SFI1: variants seen among roughly 807,000 people sequenced by gnomAD.
SFI1 encodes SFI1 centrin binding protein, also known as protein SFI1 homolog.
Under a neutral mutation model 207.5 loss-of-function variants are expected in SFI1, and 195 were observed. The ratio of observed to expected loss-of-function variants is 0.94; its 90% confidence interval spans 0.84 to 1.06. SFI1 has a LOEUF of 1.06. Ranked by LOEUF, SFI1 falls within the 50% of genes least tolerant of loss-of-function variation. SFI1 has a pLI of 0.00. For synonymous variants in SFI1, 630 were observed against 598.9 expected, an observed-to-expected ratio of 1.05 and a Z score of -0.76; for missense variants, 1,634 against 1,588.0, an observed-to-expected ratio of 1.03 and a Z score of -0.49.
chr22:31,552,858 A>T (rs534049177), intron 6 of SFI1, among the ~76,000 whole-genome samples: 27 of 148,214 alleles, frequency 1.8e-4, no homozygotes, highest in Non-Finnish European at 3.1e-4. Context: ...TTTTTTTTTT[A>T]AAGACAGGGG....
intron 12 of SFI1, among the ~76,000 whole-genome samples, chr22:31,582,917 TTTA>T (rs1286645408): frequency 6.6e-6 from 1 of 152,166 alleles, no homozygotes; most frequent in African/African-American, 2.4e-5. Flanking sequence ...ATACAATTTA[TTTA>T]TTATTATAAT....
chr22:31,536,521 C>T (rs929078350), intron 4 of SFI1, among the ~76,000 whole-genome samples: 1 of 152,312 alleles, frequency 6.6e-6, no homozygotes, highest in African/African-American at 2.4e-5. Flanking sequence ...AAGCAATTCT[C>T]CTGCCTCCGC....
intron 4 of SFI1, among the ~76,000 whole-genome samples, chr22:31,538,024 T>G (rs571745291): frequency 2.6e-5 from 4 of 152,276 alleles, no homozygotes; most frequent in African/African-American, 9.6e-5. Context: ...CAGGCTGGAG[T>G]GCAGTGACGC....
intron 4 of SFI1, among the ~76,000 whole-genome samples, chr22:31,539,940 T>G (rs2059324168): frequency 6.6e-6 from 1 of 152,074 alleles, no homozygotes; most frequent in Admixed American, 6.6e-5. Context: ...GGTCTCAAAC[T>G]CCTGACTTCA....
intron 1 of SFI1, among the ~76,000 whole-genome samples, chr22:31,499,805 A>G (rs1281291150): frequency 6.6e-6 from 1 of 151,760 alleles, no homozygotes; most frequent in East Asian, 1.9e-4. Flanking sequence ...TCTGGCCAAC[A>G]TGGTGAAACC....
At chr22:31,601,032 C>T (rs1351678699) in intron 15 of SFI1, among the ~76,000 whole-genome samples, 1 of 152,116 alleles carries the variant, frequency 6.6e-6, no homozygotes, top group Non-Finnish European at 1.5e-5. Flanking sequence ...ATTGTCCCAG[C>T]ACTGCTGCTG....
In SFI1 at chr22:31,585,069, A is replaced by G. The variant is rs753185914; in HGVS notation, c.1348A>G (p.Ile450Val). The G allele has an allele frequency of 1.5e-5, 24 of 1,613,442 alleles. No individual in the cohort carries two copies. Among genetic ancestry groups the G allele is most frequent in the Non-Finnish European group, 1.9e-5 (23 of 1,179,798 alleles). ...AAGGTGTTCTTCCTTTTGTTTCAGA[A>G]TAGCACTGCTGTGCAAATGTATCGA... ...LLHAAWDHYR[I>V]ALLCKCIELW... Residue 450 changes from isoleucine to valine, a missense_variant and splice_region_variant, in exon 14 of 33, where the codon ATA becomes GTA. Transcript: ENST00000400288.
chr22:31,541,020 GGAGATATACCT>G (rs2059430906), intron 4 of SFI1, among the ~76,000 whole-genome samples: 1 of 152,080 alleles, frequency 6.6e-6, no homozygotes, highest in Admixed American at 6.6e-5. Context: ...TCGCCTCTCC[GGAGATATACCT>G]GAGTCTTTGC....
At chr22:31,499,150 G>C (rs1268039202) in intron 1 of SFI1, among the ~76,000 whole-genome samples, 1 of 152,052 alleles carries the variant, frequency 6.6e-6, no homozygotes, top group Non-Finnish European at 1.5e-5. Flanking sequence ...CAGTACCTGG[G>C]TGTGTAATAC....
chr22:31,503,584 GTTTT>G (rs34588094), intron 1 of SFI1, among the ~76,000 whole-genome samples: 1 of 94,470 alleles, frequency 1.1e-5, no homozygotes, highest in Non-Finnish European at 2.0e-5. Flanking sequence ...TTCTTGGACT[GTTTT>G]TTTTTTTTTT....
At chr22:31,537,038 A>T (rs979075505) in intron 4 of SFI1, among the ~76,000 whole-genome samples, 2 of 148,738 alleles carry the variant, frequency 1.3e-5, no homozygotes, top group Non-Finnish European at 3.0e-5. Flanking sequence ...GCATGAGGGG[A>T]TTTACTTCTT....
At chr22:31,550,620 A>G (rs2060535467) in intron 6 of SFI1, 1 of 345,644 alleles carries the variant, frequency 2.9e-6, no homozygotes, top group South Asian at 3.8e-5. Flanking sequence ...CTGCTGGTTC[A>G]GTGGGCTGGC....
At chr22:31,534,408 T>G (rs541838261) in intron 4 of SFI1, among the ~76,000 whole-genome samples, 2 of 152,316 alleles carry the variant, frequency 1.3e-5, no homozygotes, top group East Asian at 3.9e-4. Flanking sequence ...CAACAAATAT[T>G]TACCCTTTCT....
intron 15 of SFI1, among the ~76,000 whole-genome samples, chr22:31,600,042 C>T (rs1422867932): frequency 6.6e-6 from 1 of 151,964 alleles, no homozygotes; most frequent in Admixed American, 6.6e-5. Context: ...TTTTGTCATA[C>T]ATTTTATGTC....
In SFI1 at chr22:31,523,509, A is replaced by G. The variant is rs146791214; in HGVS notation, c.93-5181A>G. On this transcript the variant is annotated intron_variant, in intron 2 of 32. Transcript: ENST00000400288. ...TTGAGCCTGAAGAATAAGCCAGTCT[A>G]TCATCACACCTTAGAAATTCAGGTA... Among the ~76,000 whole-genome samples, 281 of 152,364 alleles carry G rather than the reference A, an allele frequency of 1.8e-3. 1 individual carries two copies. Among genetic ancestry groups the G allele is most frequent in the African/African-American group, 6.3e-3 (261 of 41,594 alleles).
intron 1 of SFI1, among the ~76,000 whole-genome samples, 168 bp from the exon 2 acceptor site, chr22:31,508,087 A>C (rs575004812): frequency 2.0e-4 from 31 of 152,212 alleles, no homozygotes; most frequent in Non-Finnish European, 3.8e-4. Flanking sequence ...AAAAAATTAA[A>C]AAAAAAAGTA....
At chr22:31,590,222 G>A (rs1603249465) in intron 15 of SFI1, among the ~76,000 whole-genome samples, 1 of 151,530 alleles carries the variant, frequency 6.6e-6, no homozygotes, top group South Asian at 2.1e-4. Flanking sequence ...TGTCTCATCT[G>A]CAAACACCCA....
chr22:31,522,731 C>A (rs1191003194), intron 2 of SFI1, among the ~76,000 whole-genome samples: 1 of 152,132 alleles, frequency 6.6e-6, no homozygotes. Context: ...TGTCAGCTCA[C>A]TGCAACCTCT....
At chr22:31,593,393 C>T (rs1174198498) in intron 15 of SFI1, among the ~76,000 whole-genome samples, 2 of 131,766 alleles carry the variant, frequency 1.5e-5, no homozygotes, top group Non-Finnish European at 3.3e-5. Flanking sequence ...ACATCTCAGA[C>T]GATGGGCGGC....
Sources: gnomAD v4.1 joint callset for allele counts (sites outside exome capture counted in the v4.1 genomes callset) on GRCh38, gnomAD v4.1.1 for gene constraint, MANE v1.5 for transcripts, NCBI Gene and HGNC (gene_info 2026-07-23, HGNC 2026-07-21) for gene names.